Variants in P2RX6 observed in about 807,000 individuals in gnomAD.
The protein encoded by P2RX6 is purinergic receptor P2X 6.
P2RX6 carries 62 observed loss-of-function variants against 54.2 expected under a neutral mutation model. That is an observed-to-expected ratio of 1.14 (90% CI 0.93 to 1.41). The LOEUF is 1.41. Among genes scored for constraint, P2RX6 ranks in the 40% most tolerant of loss-of-function variants. P2RX6 has a pLI of 0.00. For synonymous variants in P2RX6, 211 were observed against 231.9 expected (o/e 0.91, Z 0.82); for missense variants, 541 against 566.3 (o/e 0.96, Z 0.45).
chr22:21,023,045 C>T lies in P2RX6; in HGVS notation c.557+10C>T, dbSNP rs1548412. 0.088 allele frequency: 141,286 copies of T among 1,611,912 alleles called. 9,000 individuals carry two copies. Among genetic ancestry groups the T allele is most frequent in the East Asian group, 0.28 (12,598 of 44,830 alleles). ...GTGGCGTTGTGCCCTCGTAAGTGTC[C>T]CCACAATCCCCTACCCCAACTGGCG... On this transcript the variant is annotated intron_variant, in intron 5 of 11. Transcript: ENST00000413302.
chr22:21,024,834 G>A (rs1928110449), intron 8 of P2RX6, among the ~76,000 whole-genome samples: 2 of 150,222 alleles, frequency 1.3e-5, no homozygotes, highest in Admixed American at 6.6e-5. Flanking sequence ...GCCTCCCAAA[G>A]TGCTGGGATT....
At chr22:21,016,640 C>T (rs902186921) in intron 2 of P2RX6, among the ~76,000 whole-genome samples, 1 of 151,342 alleles carries the variant, frequency 6.6e-6, no homozygotes, top group African/African-American at 2.4e-5. Context: ...CCAAAGACTG[C>T]CAACAGAAAA....
chr22:21,016,588 C>CAA (rs3046027), intron 2 of P2RX6, among the ~76,000 whole-genome samples: 3 of 103,376 alleles, frequency 2.9e-5, no homozygotes, highest in Admixed American at 9.4e-5. Flanking sequence ...GACTCTGTCT[C>CAA]AAAAAAAAAA....
Position 21,023,112 on chromosome 22 carries a change from C to G in P2RX6, c.558-6C>G, listed in dbSNP as rs1364480928. 5 of 1,613,700 alleles carry G rather than the reference C, an allele frequency of 3.1e-6. No individual in the cohort carries two copies. Among genetic ancestry groups the G allele is most frequent in the South Asian group, 1.1e-5 (1 of 91,090 alleles). ...GCAGAGGCTGTCACCTCCCTTCCAC[C>G]TGCAGGAGGCCCCTGCTGGCCCAGG... is the stretch of plus-strand genomic sequence containing the variant. On this transcript the variant is annotated splice_region_variant and splice_polypyrimidine_tract_variant and intron_variant, in intron 5 of 11. Coordinates refer to ENST00000413302, the MANE Select transcript of P2RX6 (RefSeq NM_005446.5).
chr22:21,018,531 T>G (rs760613942), intron 3 of P2RX6: 2 of 201,684 alleles, frequency 9.9e-6, no homozygotes, highest in African/African-American at 4.6e-5. Flanking sequence ...TAATATGTCC[T>G]GAGGCAGCTT....
intron 3 of P2RX6, 145 bp downstream of exon 3, chr22:21,018,205 C>G: frequency 1.5e-6 from 1 of 675,492 alleles, no homozygotes; most frequent in Non-Finnish European, 2.7e-6. Context: ...ACATCTTTTC[C>G]TGAATCATTA....
intron 2 of P2RX6, among the ~76,000 whole-genome samples, chr22:21,016,703 G>A (rs1328789808): frequency 1.3e-5 from 2 of 151,896 alleles, no homozygotes; most frequent in Non-Finnish European, 2.9e-5. Context: ...GTGAGGTGCT[G>A]GGGCATGGAA....
In P2RX6 at chr22:21,026,657, G is replaced by A. The variant is rs577747736; in HGVS notation, c.*40G>A. ...TTGAGAGTTGGGGGCTGGGAAGGGC[G>A]GGGCCCTGCCTGGGGATCTCAAGGA... On this transcript the variant is annotated 3_prime_UTR_variant, in exon 12 of 12. Transcript: ENST00000413302. This position sits in a 1 kb window ranked among gnomAD's most constrained non-coding sequence, Gnocchi z 4.0. 5.8e-6 allele frequency: 9 copies of A among 1,541,438 alleles called. No homozygotes were observed. The East Asian group carries it at 1.2e-4, about 21-fold the overall frequency.
At position 21,023,566 on chromosome 22, in the gene P2RX6, GGCT is replaced by G; in HGVS notation, c.843_845del (p.Cys281del). On this transcript the variant is annotated inframe_deletion, in exon 8 of 12. Transcript: ENST00000413302. ...TTGTGACCTGGACACCGGGGACTCT[GGCT>G]GCTGGCCTCACTACTCCTTCCAGCT... 6.2e-7 allele frequency: 1 copy of G among 1,613,510 alleles called. No individual in the cohort carries two copies. Among genetic ancestry groups the G allele is most frequent in the Non-Finnish European group, 8.5e-7 (1 of 1,179,728 alleles).
At chr22:21,022,061 G>A (rs1397296659) in intron 3 of P2RX6, among the ~76,000 whole-genome samples, 1 of 152,154 alleles carries the variant, frequency 6.6e-6, no homozygotes, top group African/African-American at 2.4e-5. Flanking sequence ...GCATCCACCA[G>A]GGACAGAACT....
chr22:21,023,425 C>G lies in P2RX6; in HGVS notation c.780+9C>G. 6.2e-7 allele frequency: 1 copy of G among 1,613,992 alleles called. No homozygotes were observed. ...AGGACCTGGCGTTGCTGGTGGGTCC[C>G]AAGTTGGGGGCAGGGTTCCTAGAGG... is the stretch of plus-strand genomic sequence containing the variant. On this transcript the variant is annotated intron_variant, in intron 7 of 11. Transcript: ENST00000413302.
upstream of P2RX6, among the ~76,000 whole-genome samples, chr22:21,012,134 A>T (rs1176171407): frequency 1.3e-5 from 2 of 152,170 alleles, no homozygotes; most frequent in African/African-American, 4.8e-5. Context: ...CAGAGACAGC[A>T]TTTGGATTCA....
Position 21,025,880 on chromosome 22 carries a change from C to T in P2RX6, c.966C>T (p.Asp322=), listed in dbSNP as rs1377096633. ...TCAAGCTCTATGGAATCCGCTTCGA[C>T]ATCCTCGTCACCGGGCAGGTAGGCA... ...TLLKLYGIRF[D]ILVTGQAGKF... is the part of the protein sequence containing the mutation. Residue 322 remains aspartate (D), a synonymous_variant, in exon 9 of 12, where the codon GAC becomes GAT. Coordinates refer to ENST00000413302, the MANE Select transcript of P2RX6 (RefSeq NM_005446.5). 1.3e-6 allele frequency: 2 copies of T among 1,576,402 alleles called. No individual in the cohort carries two copies. The highest frequency in any genetic ancestry group is 8.6e-7 in the Non-Finnish European group (1 of 1,161,640).
chr22:21,012,479 G>C, upstream of P2RX6: 1 of 501,302 alleles, frequency 2.0e-6, no homozygotes, highest in Non-Finnish European at 3.8e-6. Flanking sequence ...CATCCCTGAG[G>C]AAAGGGAGGA....
intron 2 of P2RX6, among the ~76,000 whole-genome samples, chr22:21,016,319 T>C (rs1859826137): frequency 6.6e-6 from 1 of 151,674 alleles, no homozygotes; most frequent in South Asian, 2.1e-4. Flanking sequence ...AGGCCAGGGT[T>C]GGACGTGCTG....
At chr22:21,022,332 C>A (rs551294306) in intron 3 of P2RX6, among the ~76,000 whole-genome samples, 6 of 152,326 alleles carry the variant, frequency 3.9e-5, no homozygotes, top group Admixed American at 2.0e-4. Flanking sequence ...CATGATCATA[C>A]CACTGCACTA....
Position 21,025,826 on chromosome 22 carries a change from G to A in P2RX6, c.912G>A (p.Glu304=), listed in dbSNP as rs1729241564. ...YNFRTATHWW[E]QPGVEARTLL... is the part of the protein sequence containing the mutation. ...ACAGGACAGCCACTCACTGGTGGGAGCAACCGGGTGTGGAGGCCCGCACCC... is the reference window on the plus strand; with the variant it reads ...ACAGGACAGCCACTCACTGGTGGGAACAACCGGGTGTGGAGGCCCGCACCC... Residue 304 remains glutamate (E), a synonymous_variant, in exon 9 of 12, where the codon GAG becomes GAA. Coordinates refer to ENST00000413302, the MANE Select transcript of P2RX6 (RefSeq NM_005446.5). The A allele has an allele frequency of 1.3e-6, 2 of 1,562,398 alleles. No homozygotes were observed. Among genetic ancestry groups the A allele is most frequent in the Admixed American group, 1.9e-5 (1 of 52,524 alleles).
upstream of P2RX6, among the ~76,000 whole-genome samples, chr22:21,014,466 A>G (rs1385390247): frequency 1.3e-5 from 2 of 152,186 alleles, no homozygotes; most frequent in Admixed American, 1.3e-4. Flanking sequence ...CTGAGAGGAT[A>G]AACTGCACGC....
In P2RX6 at chr22:21,023,380, C is replaced by T; in HGVS notation, c.744C>T (p.Ala248=). The T allele has an allele frequency of 1.2e-6, 2 of 1,614,014 alleles. No homozygotes were observed. The highest frequency in any genetic ancestry group is 2.2e-5 in the South Asian group (2 of 91,090). ...CPVFRIGDLV[A]KAGGTFEDLA... Reference sequence around the variant, plus strand: ...TGTTCCGCATTGGGGACCTCGTGGCCAAGGCTGGAGGGACCTTCGAGGACC... The same window carrying T: ...TGTTCCGCATTGGGGACCTCGTGGCTAAGGCTGGAGGGACCTTCGAGGACC... The change falls in exon 7 of 12, where the codon GCC becomes GCT. Residue 248 remains alanine, a synonymous_variant. Transcript: ENST00000413302.
Sources: gnomAD v4.1 joint callset for allele counts (sites outside exome capture counted in the v4.1 genomes callset) on GRCh38, gnomAD v4.1.1 for gene constraint, Gnocchi (gnomAD v3.1) non-coding constraint, MANE v1.5 for transcripts, NCBI Gene and HGNC (gene_info 2026-07-23, HGNC 2026-07-21) for gene names.